Variants in KANK1 observed in about 807,000 individuals in gnomAD.
KANK1 encodes KN motif and ankyrin repeat domains 1.
In KANK1, 109 loss-of-function variants were observed where a neutral mutation model predicts 106.2. That is an observed-to-expected ratio of 1.03 (90% confidence interval 0.88 to 1.20). The LOEUF is 1.20. Among genes scored for constraint, KANK1 ranks in the 50% most tolerant of loss-of-function variants. The probability of loss-of-function intolerance (pLI) is 0.00; values close to 1 mark genes in which losing one functional copy is unlikely to be tolerated. For missense variants in KANK1, 2,399 were observed against 1,710.7 expected (o/e 1.40, Z -7.10); for synonymous variants, 873 against 652.2 (o/e 1.34, Z -5.16).
chr9:513,810 G>A (rs1471116127), intron 1 of KANK1, among the ~76,000 whole-genome samples: 1 of 152,118 alleles, frequency 6.6e-6, no homozygotes, highest in African/African-American at 2.4e-5. Flanking sequence ...GAGGTCAGGA[G>A]TTCAAGACCA....
chr9:530,325 C>T (rs1051828575), intron 1 of KANK1, among the ~76,000 whole-genome samples: 1 of 152,040 alleles, frequency 6.6e-6, no homozygotes, highest in African/African-American at 2.4e-5. Flanking sequence ...TTAAAATGTC[C>T]AGGGTTTCTT....
At chr9:591,743 C>T (rs973829707) in intron 1 of KANK1, among the ~76,000 whole-genome samples, 2 of 151,804 alleles carry the variant, frequency 1.3e-5, no homozygotes, top group African/African-American at 2.4e-5. Flanking sequence ...TCTGCAACCT[C>T]TGCCTCCTGG....
chr9:546,405 C>G (rs1475778200), intron 1 of KANK1, among the ~76,000 whole-genome samples: 1 of 151,938 alleles, frequency 6.6e-6, no homozygotes. Context: ...AATTATCCAG[C>G]CCCAAACACC....
intron 1 of KANK1, among the ~76,000 whole-genome samples, chr9:617,572 C>G (rs980051787): frequency 6.6e-6 from 1 of 152,200 alleles, no homozygotes; most frequent in African/African-American, 2.4e-5. Context: ...TTTACAGCTA[C>G]TTGATGGTGA....
At chr9:577,438 A>G (rs538424202) in intron 1 of KANK1, among the ~76,000 whole-genome samples, 1 of 152,140 alleles carries the variant, frequency 6.6e-6, no homozygotes, top group East Asian at 1.9e-4. Flanking sequence ...GTTTTTACAG[A>G]GTGCTGATTG....
chr9:657,920 T>G (rs1842499442), intron 1 of KANK1, among the ~76,000 whole-genome samples: 1 of 152,078 alleles, frequency 6.6e-6, no homozygotes, highest in Non-Finnish European at 1.5e-5. Context: ...TCTCCCTAAA[T>G]TGCCCAGGCT....
chr9:682,745 C>G (rs1430022037), intron 2 of KANK1, among the ~76,000 whole-genome samples: 1 of 152,092 alleles, frequency 6.6e-6, no homozygotes, highest in Admixed American at 6.5e-5. Flanking sequence ...GCTTTAGTAA[C>G]TGTTGTGGGG....
chr9:536,763 T>C (rs893487046), intron 1 of KANK1, among the ~76,000 whole-genome samples: 1 of 152,192 alleles, frequency 6.6e-6, no homozygotes, highest in Non-Finnish European at 1.5e-5. Context: ...TGTAACATAG[T>C]CACAGGTTTG....
In KANK1 at chr9:659,108, G is replaced by T. The variant is rs567414560; in HGVS notation, c.-83-17782G>T. ...TATAAGCCTCAAAAAGGCAAGAACT[G>T]AGTTTATTTTGTTCACCACTGTAGT... On this transcript the variant is annotated intron_variant, in intron 1 of 11. Transcript: ENST00000382297. Among the ~76,000 whole-genome samples, 6 of 152,296 alleles carry T rather than the reference G, an allele frequency of 3.9e-5. No homozygotes were observed. In the South Asian group the frequency reaches 1.2e-3, roughly 32 times the overall value.
chr9:604,358 G>A (rs533962741), intron 1 of KANK1, among the ~76,000 whole-genome samples: 27 of 151,786 alleles, frequency 1.8e-4, no homozygotes, highest in Non-Finnish European at 3.5e-4. Context: ...CTGATGGGAG[G>A]TGATTGGATC....
At chr9:604,051 G>A (rs1369311314) in intron 1 of KANK1, among the ~76,000 whole-genome samples, 1 of 151,428 alleles carries the variant, frequency 6.6e-6, no homozygotes, top group African/African-American at 2.4e-5. Flanking sequence ...TTGGGGAGGA[G>A]AATGGAGTGT....
At chr9:562,432 C>T (rs1374590802) in intron 1 of KANK1, among the ~76,000 whole-genome samples, 1 of 152,186 alleles carries the variant, frequency 6.6e-6, no homozygotes, top group Non-Finnish European at 1.5e-5. Context: ...CAAAAAGCTG[C>T]TCTAGATCAT....
At chr9:653,297 C>G (rs926754022) in intron 1 of KANK1, among the ~76,000 whole-genome samples, 15 of 152,058 alleles carry the variant, frequency 9.9e-5, no homozygotes, top group Non-Finnish European at 2.1e-4. Context: ...ATGCGGTTCC[C>G]AGGCTCGTGG....
intron 2 of KANK1, among the ~76,000 whole-genome samples, chr9:709,267 C>G (rs1408726484): frequency 6.6e-6 from 1 of 152,206 alleles, no homozygotes; most frequent in Non-Finnish European, 1.5e-5. Flanking sequence ...CCTCTGTGTG[C>G]TTCTACTCAT....
intron 2 of KANK1, among the ~76,000 whole-genome samples, chr9:472,255 G>A (rs1255955903): frequency 6.6e-6 from 1 of 152,204 alleles, no homozygotes; most frequent in Non-Finnish European, 1.5e-5. Context: ...GACTGACCAA[G>A]GAAGTCAATG....
At chr9:669,257 T>G (rs930695872) in intron 1 of KANK1, among the ~76,000 whole-genome samples, 1 of 152,180 alleles carries the variant, frequency 6.6e-6, no homozygotes, top group African/African-American at 2.4e-5. Flanking sequence ...ACATGACAAT[T>G]AGAGTATTTG....
intron 1 of KANK1, among the ~76,000 whole-genome samples, chr9:601,340 C>G (rs770792440): frequency 6.6e-6 from 1 of 151,830 alleles, no homozygotes; most frequent in Non-Finnish European, 1.5e-5. Flanking sequence ...TCTTTATGTT[C>G]CATGATCCAA....
intron 3 of KANK1, among the ~76,000 whole-genome samples, chr9:724,310 TATC>T (rs1830122200): frequency 6.6e-6 from 1 of 152,162 alleles, no homozygotes; most frequent in Non-Finnish European, 1.5e-5. Flanking sequence ...CAGAGGGAGT[TATC>T]AGGGAAACCA....
intron 1 of KANK1, among the ~76,000 whole-genome samples, chr9:631,597 G>T (rs1324956219): frequency 1.3e-5 from 2 of 152,096 alleles, no homozygotes; most frequent in Non-Finnish European, 2.9e-5. Flanking sequence ...ATCTCAGCCA[G>T]AGCAGTAGTT....
Sources: gnomAD v4.1 joint callset for allele counts (sites outside exome capture counted in the v4.1 genomes callset) on GRCh38, gnomAD v4.1.1 for gene constraint, MANE v1.5 for transcripts, NCBI Gene and HGNC (gene_info 2026-07-23, HGNC 2026-07-21) for gene names.